PCDHGA4: variants seen among roughly 807,000 people sequenced by gnomAD.
PCDHGA4 encodes the protein protocadherin gamma subfamily A, 4, also known as protocadherin gamma-A4.
In PCDHGA4, 38 loss-of-function variants were observed where a neutral mutation model predicts 54.6. That is an observed-to-expected ratio of 0.70 (90% confidence interval 0.54 to 0.91). The LOEUF is 0.91. PCDHGA4 is among the 40% of genes least tolerant of loss of function. PCDHGA4 has a pLI of 0.00. For synonymous variants in PCDHGA4, 511 were observed against 512.9 expected (o/e 1.00, Z 0.05); for missense variants, 1,298 against 1,220.9 (o/e 1.06, Z -0.94).
chr5:141,417,699 C>G, intron 1 of PCDHGA4: 1 of 1,164,548 alleles, frequency 8.6e-7, no homozygotes. Context: ...AACCAGCTCC[C>G]ACACAGAGGC....
chr5:141,455,477 C>A (rs557286491), intron 1 of PCDHGA4, among the ~76,000 whole-genome samples: 15 of 152,252 alleles, frequency 9.9e-5, no homozygotes, highest in African/African-American at 2.9e-4. Flanking sequence ...TATGCAGAGG[C>A]TGGTGGAGGT....
intron 1 of PCDHGA4, chr5:141,364,139 G>A: frequency 2.0e-6 from 1 of 499,708 alleles, no homozygotes; most frequent in Admixed American, 3.8e-5. Flanking sequence ...TGACCAAAGT[G>A]GGAAAGAAGC....
intron 1 of PCDHGA4, among the ~76,000 whole-genome samples, chr5:141,447,413 C>T (rs1279399546): frequency 6.6e-6 from 1 of 152,204 alleles, no homozygotes; most frequent in Non-Finnish European, 1.5e-5. Flanking sequence ...GCTGGGATTA[C>T]AGGCGTGAGC....
rs373724298 is a variant in PCDHGA4 at position 141,356,968 on chromosome 5, A to G, written c.1861A>G (p.Lys621Glu). The G allele has an allele frequency of 1.2e-6, 2 of 1,614,130 alleles. No homozygotes were observed. Among genetic ancestry groups the G allele is most frequent in the African/African-American group, 2.7e-5 (2 of 74,958 alleles). The change falls in exon 1 of 4, where the codon AAA (lysine) becomes GAA (glutamate). Residue 621 changes from lysine to glutamate, a missense_variant. Lys to Glu is a moderately conservative substitution (Grantham distance 56). Coordinates refer to ENST00000571252, the MANE Select transcript of PCDHGA4 (RefSeq NM_018917.4). ...RSADSGYLVT[K>E]VVAVDRDSGQ... ...CGCAGATTCCGGCTACCTGGTGACC[A>G]AAGTGGTGGCAGTGGACAGAGACTC...
At chr5:141,394,742 G>A (rs752402821) in intron 1 of PCDHGA4, 5 of 1,613,300 alleles carry the variant, frequency 3.1e-6, no homozygotes, top group African/African-American at 1.3e-5. Flanking sequence ...AGAGCCTCGT[G>A]GTGGCCGTCC....
chr5:141,384,940 T>A lies in PCDHGA4; in HGVS notation c.2514+27319T>A, dbSNP rs781038163. The A allele has an allele frequency of 1.2e-6, 2 of 1,613,942 alleles. No individual in the cohort carries two copies. The highest frequency in any genetic ancestry group is 1.7e-6 in the Non-Finnish European group (2 of 1,179,994). ...GGCCGACCTGGGCAGCCTTGAGCCCTCCGACGGTCCTTACAACTATGACCT... is the reference window on the plus strand; with the variant it reads ...GGCCGACCTGGGCAGCCTTGAGCCCACCGACGGTCCTTACAACTATGACCT... On this transcript the variant is annotated intron_variant, in intron 1 of 3. Coordinates refer to ENST00000571252, the MANE Select transcript of PCDHGA4 (RefSeq NM_018917.4).
intron 1 of PCDHGA4, chr5:141,399,180 G>A (rs1454578078): frequency 6.2e-7 from 1 of 1,613,916 alleles, no homozygotes; most frequent in Non-Finnish European, 8.5e-7. Context: ...TACTTGAAAT[G>A]ATTCTGGAAA....
rs2099699514 is a variant in PCDHGA4 at position 141,490,385 on chromosome 5, A to G, written c.2515-4422A>G. 1 of 1,614,190 alleles carries G rather than the reference A, an allele frequency of 6.2e-7. No individual in the cohort carries two copies. Among genetic ancestry groups the G allele is most frequent in the African/African-American group, 1.3e-5 (1 of 75,032 alleles). ...GTGCGAGACCGGGACTCAGGTAGAA[A>G]TGGTGAAGTGAGCCTTGATATCTCT... On this transcript the variant is annotated intron_variant, in intron 1 of 3. Coordinates refer to ENST00000571252, the MANE Select transcript of PCDHGA4 (RefSeq NM_018917.4). This position sits in a 1 kb window ranked among gnomAD's most constrained non-coding sequence, Gnocchi z 5.4.
intron 1 of PCDHGA4, chr5:141,389,435 C>T (rs1403223210): frequency 8.1e-6 from 13 of 1,610,504 alleles, no homozygotes. Flanking sequence ...CGCAGCGCGC[C>T]TTCGACCACG....
chr5:141,364,066 A>C (rs776023906), intron 1 of PCDHGA4, among the ~76,000 whole-genome samples: 1 of 152,216 alleles, frequency 6.6e-6, no homozygotes, highest in Non-Finnish European at 1.5e-5. Flanking sequence ...ATTATAACTA[A>C]ACTTAGGAGA....
chr5:141,428,388 C>A, intron 1 of PCDHGA4: 1 of 506,160 alleles, frequency 2.0e-6, no homozygotes, highest in African/African-American at 1.9e-5. Flanking sequence ...GCTCTTCCAG[C>A]CCCTCTGCCT....
intron 1 of PCDHGA4, chr5:141,391,639 A>G (rs1166696968): frequency 6.6e-6 from 1 of 152,354 alleles, no homozygotes; most frequent in East Asian, 1.9e-4. Context: ...TAGTCAGTGA[A>G]AAAACTATCA....
chr5:141,367,752 C>G (rs1039897453), intron 1 of PCDHGA4: 1 of 152,068 alleles, frequency 6.6e-6, no homozygotes, highest in African/African-American at 2.4e-5. Context: ...GAGTTACATA[C>G]TGCTGCACTC....
chr5:141,435,290 A>G (rs2097756551), intron 1 of PCDHGA4, among the ~76,000 whole-genome samples: 1 of 152,158 alleles, frequency 6.6e-6, no homozygotes, highest in African/African-American at 2.4e-5. Context: ...ATCCCAAGTC[A>G]TTTCATGGTT....
intron 1 of PCDHGA4, chr5:141,371,408 A>G (rs1767731278): frequency 6.2e-7 from 1 of 1,614,038 alleles, no homozygotes; most frequent in Admixed American, 1.7e-5. Flanking sequence ...TAGATATTTC[A>G]GATGAAAATG....
intron 1 of PCDHGA4, chr5:141,394,742 G>T: frequency 1.2e-6 from 2 of 1,613,420 alleles, no homozygotes; most frequent in Non-Finnish European, 1.7e-6. Flanking sequence ...AGAGCCTCGT[G>T]GTGGCCGTCC....
chr5:141,360,054 G>C, intron 1 of PCDHGA4: 1 of 1,445,180 alleles, frequency 6.9e-7, no homozygotes. Flanking sequence ...AACAAAAGCA[G>C]GAAAAGTGAC....
intron 1 of PCDHGA4, chr5:141,412,854 A>G (rs1356959630): frequency 4.5e-6 from 1 of 223,412 alleles, no homozygotes; most frequent in South Asian, 1.8e-4. Context: ...GAGAAACCAA[A>G]GAATCTATGT....
chr5:141,491,014 G>A lies in PCDHGA4; in HGVS notation c.2515-3793G>A, dbSNP rs761902295. On this transcript the variant is annotated intron_variant, in intron 1 of 3. Transcript: ENST00000571252. This position sits in a 1 kb window ranked among gnomAD's most constrained non-coding sequence, Gnocchi z 6.9. ...TCCTCCTGGCTCCTTGGTCACCAAG[G>A]TGACAGCCGTGGATGCTGATGCAGG... 6 of 1,614,134 alleles carry A rather than the reference G, an allele frequency of 3.7e-6. No individual in the cohort carries two copies. Among genetic ancestry groups the A allele is most frequent in the Non-Finnish European group, 4.2e-6 (5 of 1,180,044 alleles).
Sources: gnomAD v4.1 joint callset for allele counts (sites outside exome capture counted in the v4.1 genomes callset) on GRCh38, gnomAD v4.1.1 for gene constraint, Gnocchi (gnomAD v3.1) non-coding constraint, MANE v1.5 for transcripts, NCBI Gene and HGNC (gene_info 2026-07-23, HGNC 2026-07-21) for gene names.